Variants in CHD6 observed in about 807,000 individuals in gnomAD.
The protein encoded by CHD6 is ATP-dependent chromatin remodeler CHD6.
In CHD6, 50 loss-of-function variants were observed where a neutral mutation model predicts 276.9. The observed-to-expected ratio is 0.18, with a 90% confidence interval of 0.14 to 0.23. CHD6 has a LOEUF of 0.23. CHD6 is among the 10% of genes least tolerant of loss of function. The probability of loss-of-function intolerance (pLI) is 1.00; values close to 1 mark genes in which losing one functional copy is unlikely to be tolerated. For missense variants in CHD6, 2,564 were observed against 3,365.8 expected (o/e 0.76, Z 5.89); for synonymous variants, 1,173 against 1,229.3 (o/e 0.95, Z 0.96).
At position 41,488,610 on chromosome 20, in the gene CHD6, G is replaced by A; in HGVS notation, c.1681-6C>T. The A allele has an allele frequency of 6.2e-7, 1 of 1,611,130 alleles. No individual in the cohort carries two copies. Among genetic ancestry groups the A allele is most frequent in the Non-Finnish European group, 8.5e-7 (1 of 1,178,728 alleles). On this transcript the variant is annotated splice_polypyrimidine_tract_variant and splice_region_variant and intron_variant, in intron 12 of 36. Transcript: ENST00000373233. ...ACTCCTGAAAGGGGGTTTCCCTGAG[G>A]ATGACACAACCAAAGTCAAAGCTTT...
intron 3 of CHD6, among the ~76,000 whole-genome samples, chr20:41,519,143 C>T (rs1280608049): frequency 6.6e-6 from 1 of 152,104 alleles, no homozygotes; most frequent in Non-Finnish European, 1.5e-5. Context: ...ATTAGCCGGG[C>T]ATGGTGGCGC....
rs957875316 is a variant in CHD6, at chr20:41,403,171, A to G, written c.*1422T>C. On this transcript the variant is annotated 3_prime_UTR_variant, in exon 37 of 37. Transcript: ENST00000373233. ...ATAAATTAGCAAAACTGTAACAGAAAAAGTAAAAAATACAGTAAATTGTGA... is the reference window on the plus strand; with the variant it reads ...ATAAATTAGCAAAACTGTAACAGAAGAAGTAAAAAATACAGTAAATTGTGA... 10 of 778,490 alleles carry G rather than the reference A, an allele frequency of 1.3e-5. No homozygotes were observed. The African/African-American group carries it at 1.6e-4, about 13-fold the overall frequency. The allele number at this position is 778,490 out of a possible 1,614,324, so 48.2% of individuals were successfully genotyped here.
At chr20:41,543,246 G>A (rs2044980775) in intron 2 of CHD6, among the ~76,000 whole-genome samples, 1 of 152,142 alleles carries the variant, frequency 6.6e-6, no homozygotes, top group Non-Finnish European at 1.5e-5. Flanking sequence ...TTACAGAGTA[G>A]AAGCCTAGAG....
chr20:41,601,618 C>T (rs1204406753), intron 1 of CHD6, among the ~76,000 whole-genome samples: 1 of 152,144 alleles, frequency 6.6e-6, no homozygotes, highest in Non-Finnish European at 1.5e-5. Flanking sequence ...TGGGTTCACT[C>T]GCTTCAAGGC....
In CHD6 at chr20:41,452,811, G is replaced by A. The variant is rs76234859; in HGVS notation, c.3252C>T (p.Arg1084=). 4.3e-4 allele frequency: 695 copies of A among 1,613,226 alleles called. 5 individuals are homozygous for A. The African/African-American group carries it at 8.5e-3, about 20-fold the overall frequency. The stretch of plus-strand genomic sequence containing the variant: ...GGTAGCGCCTGGCTTTGTCATTGAG[G>A]CGCCTGGATCTCGTGGGCCTTTCGT... ...DSDERPTRSR[R]LNDKARRYLR... The change falls in exon 21 of 37, where the codon CGC becomes CGT. Residue 1084 remains arginine (R), a synonymous_variant. Coordinates refer to ENST00000373233, the MANE Select transcript of CHD6 (RefSeq NM_032221.5). This position sits in a 1 kb window ranked among gnomAD's most constrained non-coding sequence, Gnocchi z 4.2.
intron 8 of CHD6, among the ~76,000 whole-genome samples, chr20:41,496,149 T>G (rs1402111846): frequency 1.3e-5 from 2 of 152,208 alleles, no homozygotes; most frequent in African/African-American, 2.4e-5. Flanking sequence ...TAGGATTCGT[T>G]TACTTTTTAA....
At chr20:41,566,389 C>G (rs2045355819) in intron 1 of CHD6, among the ~76,000 whole-genome samples, 1 of 152,038 alleles carries the variant, frequency 6.6e-6, no homozygotes, top group Non-Finnish European at 1.5e-5. Context: ...AAAAAGTCTC[C>G]AAAGTCCCAC....
intron 8 of CHD6, 34 bp from the exon 9 acceptor site, chr20:41,493,978 T>G: frequency 6.5e-7 from 1 of 1,543,538 alleles, no homozygotes; most frequent in East Asian, 2.3e-5. Context: ...TTAGGAAGTA[T>G]GTCCCCTTGC....
intron 1 of CHD6, among the ~76,000 whole-genome samples, chr20:41,570,974 T>G (rs1316316431): frequency 6.6e-6 from 1 of 152,092 alleles, no homozygotes; most frequent in African/African-American, 2.4e-5. Flanking sequence ...CCTGAACAAA[T>G]AACAGTACTG....
chr20:41,606,757 G>A (rs1483212366), intron 1 of CHD6, among the ~76,000 whole-genome samples: 1 of 151,816 alleles, frequency 6.6e-6, no homozygotes, highest in African/African-American at 2.4e-5. Context: ...CTCTAAAAGA[G>A]TAGTTCTCAA....
At chr20:41,603,864 G>C (rs144360214) in intron 1 of CHD6, among the ~76,000 whole-genome samples, 15 of 152,266 alleles carry the variant, frequency 9.9e-5, no homozygotes, top group African/African-American at 3.6e-4. Context: ...GCAAGACTCA[G>C]TCCCAAAACA....
chr20:41,417,534 A>T lies in CHD6; in HGVS notation c.6128-185T>A, dbSNP rs537793594. Among the ~76,000 whole-genome samples, 428 of 152,360 alleles carry T rather than the reference A, an allele frequency of 2.8e-3. 3 individuals are homozygous for T. Among genetic ancestry groups the T allele is most frequent in the Non-Finnish European group, 4.5e-3 (304 of 68,032 alleles). On this transcript the variant is annotated intron_variant, in intron 31 of 36. Coordinates refer to ENST00000373233, the MANE Select transcript of CHD6 (RefSeq NM_032221.5). The stretch of plus-strand genomic sequence containing the variant: ...AGAACCGTATCAGTTAAGCCATAAA[A>T]GCAAATCCTGCTCTGGGGCTCCCAA...
intron 3 of CHD6, among the ~76,000 whole-genome samples, chr20:41,521,578 T>C (rs1601074818): frequency 6.6e-6 from 1 of 151,996 alleles, no homozygotes; most frequent in Non-Finnish European, 1.5e-5. Context: ...TATGTATATA[T>C]GTGTGTACAT....
rs2044613419 is a variant in CHD6, at chr20:41,528,991, G to A, written c.554+4059C>T. Reference sequence around the variant, plus strand: ...CCTACAAATAAAAACCAACTTCTCTGACACTGAAATCTCCCCACGTCCATT... The same window carrying A: ...CCTACAAATAAAAACCAACTTCTCTAACACTGAAATCTCCCCACGTCCATT... On this transcript the variant is annotated intron_variant, in intron 3 of 36. Transcript: ENST00000373233. Among the ~76,000 whole-genome samples the A allele has an allele frequency of 2.0e-5, 3 of 152,128 alleles. No homozygotes were observed. The South Asian group carries it at 6.2e-4, about 32-fold the overall frequency.
chr20:41,610,713 G>T (rs190378572), intron 1 of CHD6, among the ~76,000 whole-genome samples: 1 of 151,988 alleles, frequency 6.6e-6, no homozygotes, highest in Admixed American at 6.5e-5. Context: ...AGCTGAGATC[G>T]CGCCACTGCA....
chr20:41,445,355 T>C (rs959049772), intron 25 of CHD6, among the ~76,000 whole-genome samples: 4 of 152,204 alleles, frequency 2.6e-5, no homozygotes, highest in African/African-American at 9.7e-5. Context: ...CTATGTGCCA[T>C]GCACTGGGAC....
chr20:41,532,736 A>G (rs1278393484), intron 3 of CHD6, among the ~76,000 whole-genome samples: 1 of 152,232 alleles, frequency 6.6e-6, no homozygotes, highest in Non-Finnish European at 1.5e-5. Context: ...AAATAATGCT[A>G]AGTACTAAGA....
intron 27 of CHD6, among the ~76,000 whole-genome samples, chr20:41,435,330 T>C (rs1373167447): frequency 3.9e-5 from 6 of 152,098 alleles, no homozygotes; most frequent in African/African-American, 1.4e-4. Context: ...GCACAATGGC[T>C]CATGCCTGTA....
intron 1 of CHD6, among the ~76,000 whole-genome samples, chr20:41,584,215 T>C (rs2045569204): frequency 6.6e-6 from 1 of 152,088 alleles, no homozygotes; most frequent in Non-Finnish European, 1.5e-5. Flanking sequence ...TTACACAAAG[T>C]AGATTTGAAA....
Sources: allele counts gnomAD v4.1 joint callset (sites outside exome capture counted in the v4.1 genomes callset), GRCh38; gene constraint gnomAD v4.1.1; non-coding constraint Gnocchi (gnomAD v3.1); transcripts MANE v1.5; gene names NCBI Gene and HGNC (gene_info 2026-07-23, HGNC 2026-07-21).